WAC: variants seen among roughly 807,000 people sequenced by gnomAD.
The protein encoded by WAC is WW domain containing adaptor with coiled-coil.
In WAC, 11 loss-of-function variants were observed where a neutral mutation model predicts 79.6. That is an observed-to-expected ratio of 0.14 (90% CI 0.09 to 0.23). The LOEUF (loss-of-function observed/expected upper bound fraction) is 0.23. Ranked by LOEUF, WAC falls within the 10% of genes least tolerant of loss-of-function variation. The probability of loss-of-function intolerance (pLI) is 1.00; values close to 1 mark genes in which losing one functional copy is unlikely to be tolerated. For synonymous variants in WAC, 304 were observed against 276.9 expected, an observed-to-expected ratio of 1.10 and a Z score of -0.97; for missense variants, 728 against 773.5, an observed-to-expected ratio of 0.94 and a Z score of 0.70.
chr10:28,604,345 TGAA>T (rs1840823746), intron 7 of WAC, among the ~76,000 whole-genome samples: 2 of 151,944 alleles, frequency 1.3e-5, no homozygotes, highest in Non-Finnish European at 2.9e-5. Context: ...TTACCTGTAT[TGAA>T]GAATGCTGTC....
chr10:28,559,735 A>C (rs544100112), intron 3 of WAC, among the ~76,000 whole-genome samples: 1 of 152,310 alleles, frequency 6.6e-6, no homozygotes, highest in South Asian at 2.1e-4. Context: ...ATTTACGGCT[A>C]CTTGGTGTCA....
chr10:28,598,270 G>A (rs181763303), intron 7 of WAC, among the ~76,000 whole-genome samples: 23 of 152,238 alleles, frequency 1.5e-4, no homozygotes, highest in African/African-American at 4.1e-4. Flanking sequence ...TTACTAGCTT[G>A]GTCTCCATCC....
rs1841527782 is a variant in WAC at position 28,617,609 on chromosome 10, GTA to G, written c.1747-46_1747-45del. 3 of 1,468,512 alleles carry G rather than the reference GTA, an allele frequency of 2.0e-6. No homozygotes were observed. In the Admixed American group the frequency reaches 7.9e-5, roughly 39 times the overall value. 91.0% of individuals were successfully genotyped at this position (1,468,512 alleles called of 1,614,324 possible). A position where few individuals can be genotyped will look rare whatever the true frequency, so the allele number is the denominator to read the frequency against. ...TCAGAAATTTAATGTTTTATTTTGT[GTA>G]TGTTAATGTTTATATTTTATGTTTT... On this transcript the variant is annotated intron_variant, in intron 12 of 13. Coordinates refer to ENST00000354911, the MANE Select transcript of WAC (RefSeq NM_016628.5).
chr10:28,612,103 T>C (rs949973996), intron 10 of WAC, among the ~76,000 whole-genome samples, 181 bp downstream of exon 10: 10 of 152,182 alleles, frequency 6.6e-5, no homozygotes, highest in African/African-American at 2.4e-4. Flanking sequence ...AGAGGGGGGC[T>C]TTGAATCTGT....
chr10:28,538,755 T>A (rs1260172575), intron 3 of WAC, among the ~76,000 whole-genome samples: 1 of 150,830 alleles, frequency 6.6e-6, no homozygotes, highest in Non-Finnish European at 1.5e-5. Flanking sequence ...TTTTTTTGAT[T>A]AGCTGGGTGT....
In WAC at chr10:28,596,025, G is replaced by C. The variant is rs758505162; in HGVS notation, c.903G>C (p.Gln301His). Residue 301 changes from glutamine to histidine, a missense_variant, in exon 7 of 14, where the codon CAG (glutamine) becomes CAC (histidine). By Grantham distance (24) the Gln-to-His change is conservative. This residue lies in a region of WAC where 648 missense variants were observed against 661.5 expected (regional missense o/e 0.98). Coordinates refer to ENST00000354911, the MANE Select transcript of WAC (RefSeq NM_016628.5). ...CACCCACATCTTCTGTCCCTGCACA[G>C]AAAACAGAAAGAAAAGGTATGCCAT... is the stretch of plus-strand genomic sequence containing the variant. ...LPTPTSSVPA[Q>H]KTERKESTSG... The C allele has an allele frequency of 1.9e-6, 3 of 1,613,610 alleles. No homozygotes were observed. The East Asian group carries it at 6.7e-5, about 36-fold the overall frequency.
intron 7 of WAC, among the ~76,000 whole-genome samples, 165 bp downstream of exon 7, chr10:28,596,206 C>CT (rs1247488811): frequency 6.6e-6 from 1 of 151,620 alleles, no homozygotes; most frequent in Non-Finnish European, 1.5e-5. Flanking sequence ...CAATATTTAG[C>CT]TTTTTTCTTT....
intron 4 of WAC, among the ~76,000 whole-genome samples, chr10:28,585,138 G>GA (rs936887894): frequency 7.2e-5 from 11 of 151,792 alleles, no homozygotes; most frequent in Middle Eastern, 3.4e-3. Flanking sequence ...AGCAGATACT[G>GA]AAAAAAAACA....
intron 3 of WAC, among the ~76,000 whole-genome samples, chr10:28,577,153 T>A (rs1839283577): frequency 1.3e-5 from 2 of 152,296 alleles, no homozygotes; most frequent in South Asian, 4.1e-4. Flanking sequence ...TAAGTTTCGC[T>A]TTTCACCACC....
intron 3 of WAC, among the ~76,000 whole-genome samples, chr10:28,575,311 C>T (rs996435534): frequency 2.3e-4 from 35 of 152,260 alleles, no homozygotes; most frequent in South Asian, 1.0e-3. Context: ...TTTACGTCCC[C>T]GAGTACCCAA....
chr10:28,566,123 C>T (rs1838589851), intron 3 of WAC, among the ~76,000 whole-genome samples: 1 of 152,080 alleles, frequency 6.6e-6, no homozygotes. Context: ...TTGTTTGATG[C>T]CTAATAAAGC....
intron 3 of WAC, among the ~76,000 whole-genome samples, chr10:28,536,480 CATT>C (rs1267927564): frequency 6.6e-6 from 1 of 152,078 alleles, no homozygotes; most frequent in Non-Finnish European, 1.5e-5. Flanking sequence ...TTTAAAAACT[CATT>C]ATGTTTTTTC....
chr10:28,538,962 G>C (rs953505682), intron 3 of WAC, among the ~76,000 whole-genome samples: 1 of 151,634 alleles, frequency 6.6e-6, no homozygotes, highest in Non-Finnish European at 1.5e-5. Context: ...TAAGCTCTAA[G>C]CATGTAAAAA....
intron 4 of WAC, among the ~76,000 whole-genome samples, chr10:28,587,873 G>C (rs1466111324): frequency 6.6e-6 from 1 of 152,002 alleles, no homozygotes; most frequent in Admixed American, 6.6e-5. Context: ...TTCTGTCCTG[G>C]AGGTTGTGCC....
chr10:28,601,650 ATCAAGTGT>A (rs1372756138), intron 7 of WAC, among the ~76,000 whole-genome samples: 1 of 152,198 alleles, frequency 6.6e-6, no homozygotes, highest in Non-Finnish European at 1.5e-5. Context: ...GATAGAAACA[ATCAAGTGT>A]TCATTAGCAG....
At chr10:28,604,261 G>T (rs865975909) in intron 7 of WAC, among the ~76,000 whole-genome samples, 1 of 147,562 alleles carries the variant, frequency 6.8e-6, no homozygotes. Context: ...TTATTGTTTA[G>T]CATTATCAGT....
rs1839642814 is a variant in WAC, at chr10:28,583,468, C to CTAATCCAAGCAATAACCCAAGCAAAACT, written c.346_373dup (p.Ser125Ter). On this transcript the variant is annotated frameshift_variant, in exon 4 of 14. Transcript: ENST00000354911. LOFTEE classifies it high-confidence loss of function. The stretch of plus-strand genomic sequence containing the variant: ...CTTCATAGTTCAAATTCACATTCTT[C>CTAATCCAAGCAATAACCCAAGCAAAACT]TAATCCAAGCAATAACCCAAGCAAA... The CTAATCCAAGCAATAACCCAAGCAAAACT allele has an allele frequency of 6.3e-7, 1 of 1,591,280 alleles. No homozygotes were observed. Among genetic ancestry groups the CTAATCCAAGCAATAACCCAAGCAAAACT allele is most frequent in the African/African-American group, 1.4e-5 (1 of 72,580 alleles).
At chr10:28,564,359 T>C (rs1838480515) in intron 3 of WAC, among the ~76,000 whole-genome samples, 1 of 151,832 alleles carries the variant, frequency 6.6e-6, no homozygotes, top group Non-Finnish European at 1.5e-5. Flanking sequence ...CAAAAATGAG[T>C]TTTTGGATTA....
At chr10:28,569,904 A>C (rs1224468044) in intron 3 of WAC, among the ~76,000 whole-genome samples, 2 of 152,218 alleles carry the variant, frequency 1.3e-5, no homozygotes, top group Non-Finnish European at 2.9e-5. Flanking sequence ...ATAAACAACC[A>C]TTTCATAGTT....
Sources: gnomAD v4.1 joint callset for allele counts (sites outside exome capture counted in the v4.1 genomes callset) on GRCh38, gnomAD v4.1.1 for gene constraint, gnomAD v4.1.1 regional missense constraint, MANE v1.5 for transcripts, NCBI Gene and HGNC (gene_info 2026-07-23, HGNC 2026-07-21) for gene names.